Variants in FIRRM observed in about 807,000 individuals in gnomAD.
FIRRM encodes the protein FIGNL1 interacting regulator of recombination and mitosis.
chr1:169,846,147 G>A, the FIRRM span, among the ~76,000 whole-genome samples: 3 of 152,196 alleles, frequency 2.0e-5, no homozygotes, highest in Non-Finnish European at 4.4e-5. Context: ...TTGTCAATGA[G>A]CAGTATATTT....
the FIRRM span, chr1:169,793,775 C>T: frequency 1.5e-6 from 2 of 1,336,246 alleles, no homozygotes; most frequent in South Asian, 1.6e-5. Flanking sequence ...ACAAATCTGC[C>T]TCAATTATTC....
chr1:169,853,960 A>AAAAT, the FIRRM span: 31 of 663,632 alleles, frequency 4.7e-5, no homozygotes, highest in South Asian at 2.5e-4. Flanking sequence ...ATGGCACTGG[A>AAAAT]AAATAGCTTT....
chr1:169,819,858 G>A, the FIRRM span, among the ~76,000 whole-genome samples: 1 of 152,132 alleles, frequency 6.6e-6, no homozygotes, highest in Non-Finnish European at 1.5e-5. Context: ...CAACCAGAAA[G>A]TACTCATTGC....
the FIRRM span, among the ~76,000 whole-genome samples, chr1:169,824,074 A>G: frequency 6.6e-6 from 1 of 152,152 alleles, no homozygotes; most frequent in East Asian, 1.9e-4. Context: ...ACTTTTTCAC[A>G]CCTTTCCTTC....
the FIRRM span, chr1:169,800,923 G>A: frequency 1.3e-6 from 2 of 1,597,900 alleles, no homozygotes; most frequent in African/African-American, 2.7e-5. Flanking sequence ...TACCTCATAT[G>A]AACCACCTGA....
At chr1:169,849,629 AG>A in the FIRRM span, 1 of 1,512,932 alleles carries the variant, frequency 6.6e-7, no homozygotes, top group South Asian at 1.1e-5. Flanking sequence ...GATTTATCAC[AG>A]TGACTTTCAA....
At chr1:169,790,429 G>C in the FIRRM span, among the ~76,000 whole-genome samples, 1 of 152,040 alleles carries the variant, frequency 6.6e-6, no homozygotes, top group South Asian at 2.1e-4. Flanking sequence ...CAGGTGATCT[G>C]CCTGCCTTGG....
At chr1:169,801,597 C>CAAAAAA in the FIRRM span, among the ~76,000 whole-genome samples, 32 of 124,380 alleles carry the variant, frequency 2.6e-4, no homozygotes, top group Non-Finnish European at 4.6e-4. Flanking sequence ...ACCCTTAATT[C>CAAAAAA]AAAAAAAAAA....
At chr1:169,837,401 G>A in the FIRRM span, among the ~76,000 whole-genome samples, 1 of 152,160 alleles carries the variant, frequency 6.6e-6, no homozygotes, top group South Asian at 2.1e-4. Flanking sequence ...TTTTGCTGAT[G>A]TATCTCTGGA....
chr1:169,833,962 A>T, the FIRRM span, among the ~76,000 whole-genome samples: 1 of 146,404 alleles, frequency 6.8e-6, no homozygotes, highest in Non-Finnish European at 1.5e-5. Context: ...AAGTGCTGGG[A>T]TTAGAGGTGT....
the FIRRM span, among the ~76,000 whole-genome samples, chr1:169,817,047 T>A: frequency 6.6e-6 from 1 of 151,770 alleles, no homozygotes; most frequent in Non-Finnish European, 1.5e-5. Flanking sequence ...AAAGAAAAGC[T>A]CACAACAGCT....
the FIRRM span, chr1:169,795,626 C>T: frequency 3.0e-6 from 3 of 995,806 alleles, no homozygotes; most frequent in Non-Finnish European, 3.6e-6. Flanking sequence ...GCGAGATACT[C>T]TGAGCTTTTG....
chr1:169,824,814 C>A, the FIRRM span, among the ~76,000 whole-genome samples: 2 of 152,136 alleles, frequency 1.3e-5, no homozygotes, highest in Non-Finnish European at 2.9e-5. Flanking sequence ...TAAGTGTGTC[C>A]CAGCACTTAC....
At chr1:169,805,960 A>T in the FIRRM span, 271 of 1,171,440 alleles carry the variant, frequency 2.3e-4, 1 homozygote, top group Non-Finnish European at 3.1e-4. Context: ...ACTCACCCCC[A>T]TGACATTTGG....
chr1:169,847,980 TAAGTTC>T, the FIRRM span, among the ~76,000 whole-genome samples: 54 of 152,282 alleles, frequency 3.5e-4, no homozygotes, highest in Non-Finnish European at 6.9e-4. Flanking sequence ...CAACTCATTT[TAAGTTC>T]TTTTCTTTTA....
At chr1:169,842,991 T>A in the FIRRM span, among the ~76,000 whole-genome samples, 1 of 152,316 alleles carries the variant, frequency 6.6e-6, no homozygotes. Flanking sequence ...CAAGTGATGA[T>A]CTAAAACTAA....
At chr1:169,823,494 T>C in the FIRRM span, 7 of 1,512,636 alleles carry the variant, frequency 4.6e-6, no homozygotes. Flanking sequence ...GCCATATGAT[T>C]ATTAAGATAC....
At chr1:169,819,266 G>T in the FIRRM span, among the ~76,000 whole-genome samples, 652 of 152,306 alleles carry the variant, frequency 4.3e-3, 5 homozygotes, top group African/African-American at 0.015. Context: ...CATGGGAGTT[G>T]TATCTCTCAA....
At chr1:169,833,776 G>C in the FIRRM span, among the ~76,000 whole-genome samples, 1 of 148,862 alleles carries the variant, frequency 6.7e-6, no homozygotes, top group Non-Finnish European at 1.5e-5. Context: ...TTCTACTCCA[G>C]ATATCTTAGA....
Sources: gnomAD v4.1 joint callset for allele counts (sites outside exome capture counted in the v4.1 genomes callset) on GRCh38, gnomAD v4.1.1 for gene constraint, MANE v1.5 for transcripts, NCBI Gene and HGNC (gene_info 2026-07-23, HGNC 2026-07-21) for gene names.